SYTL4: variants seen among roughly 807,000 people sequenced by gnomAD.
SYTL4 encodes the protein synaptotagmin-like protein 4.
SYTL4 carries 16 observed loss-of-function variants against 52.7 expected under a neutral mutation model. The observed-to-expected ratio is 0.30, with a 90% CI of 0.21 to 0.46. The LOEUF (loss-of-function observed/expected upper bound fraction) is 0.46. SYTL4 is among the 20% of genes least tolerant of loss of function. The probability of loss-of-function intolerance (pLI) is 1.00; values close to 1 mark genes in which losing one functional copy is unlikely to be tolerated. For missense variants in SYTL4, 423 were observed against 519.9 expected (o/e 0.81, Z 1.81); for synonymous variants, 160 against 186.6 (o/e 0.86, Z 1.16).
intron 13 of SYTL4, 173 bp from the exon 14 acceptor site, chrX:100,687,418 A>C: frequency 2.3e-6 from 1 of 432,026 alleles, no homozygotes; most frequent in Non-Finnish European, 4.0e-6. Flanking sequence ...AACTACCAGC[A>C]CTCAAAATTG....
intron 2 of SYTL4, among the ~76,000 whole-genome samples, chrX:100,718,958 C>A (rs147689124): frequency 1.6e-3 from 180 of 109,808 alleles, no homozygotes; most frequent in African/African-American, 5.7e-3. Flanking sequence ...CCATCACACC[C>A]GGCTAATTTT....
chrX:100,675,927 C>A lies in SYTL4; in HGVS notation c.*101G>T. 1 of 823,701 alleles carries A rather than the reference C, an allele frequency of 1.2e-6. No homozygotes were observed. Among genetic ancestry groups the A allele is most frequent in the Non-Finnish European group, 1.7e-6 (1 of 587,970 alleles). 67.9% of individuals were successfully genotyped at this position (823,701 alleles called of 1,213,427 possible). A position where few individuals can be genotyped will look rare whatever the true frequency, so the allele number is the denominator to read the frequency against. On this transcript the variant is annotated 3_prime_UTR_variant, in exon 20 of 20. Transcript: ENST00000372989. ...ACACACACACACACACACATACACA[C>A]ATACACACATACACATTAAATTATA...
chrX:100,710,903 T>C (rs1050869221), intron 2 of SYTL4, among the ~76,000 whole-genome samples: 2 of 112,315 alleles, frequency 1.8e-5, no homozygotes, highest in African/African-American at 6.5e-5. Context: ...CTCAAGTGTT[T>C]AGCAAAGGAC....
chrX:100,706,927 T>C (rs2083967873), intron 2 of SYTL4, among the ~76,000 whole-genome samples: 1 of 111,408 alleles, frequency 9.0e-6, no homozygotes, highest in Non-Finnish European at 1.9e-5. Flanking sequence ...AGATAATAAA[T>C]ATGCACCCAC....
At position 100,726,014 on chromosome X, in the gene SYTL4, A is replaced by G. The variant is rs1329912749; in HGVS notation, c.-240+5404T>C. Among the ~76,000 whole-genome samples the G allele has an allele frequency of 4.5e-5, 5 of 110,303 alleles. No individual in the cohort carries two copies. In the Admixed American group the frequency reaches 4.9e-4, roughly 11 times the overall value. On this transcript the variant is annotated intron_variant, in intron 2 of 19. Transcript: ENST00000372989. ...TAGGTTTAGATAGTCACAGATATGA[A>G]TATGAAAGCCACAGTGGTCCATCAT...
chrX:100,725,070 G>A (rs1602945080), intron 2 of SYTL4, among the ~76,000 whole-genome samples: 1 of 111,275 alleles, frequency 9.0e-6, no homozygotes, highest in East Asian at 2.8e-4. Flanking sequence ...GTTACCTCTG[G>A]AGAGTGGGAT....
At chrX:100,698,394 T>A (rs766968444) in intron 8 of SYTL4, among the ~76,000 whole-genome samples, 2 of 112,199 alleles carry the variant, frequency 1.8e-5, no homozygotes, top group Admixed American at 9.4e-5. Context: ...TGAGCCACTG[T>A]GCCCAGCCCT....
chrX:100,694,851 T>C (rs760612848), intron 8 of SYTL4, among the ~76,000 whole-genome samples: 1 of 112,287 alleles, frequency 8.9e-6, no homozygotes, highest in East Asian at 2.8e-4. Context: ...TGTCACATGA[T>C]GTTTGACAGT....
At chrX:100,710,845 G>A (rs73557578) in intron 2 of SYTL4, among the ~76,000 whole-genome samples, 2,895 of 112,008 alleles carry the variant, frequency 0.026, 94 homozygotes, top group African/African-American at 0.089. Flanking sequence ...ACCTGAGAGA[G>A]CTCCACAGAA....
Position 100,700,968 on chromosome X carries a change from G to A in SYTL4, c.468C>T (p.Leu156=), listed in dbSNP as rs750658668. Residue 156 remains leucine (L), a synonymous_variant, in exon 8 of 20, where the codon CTC becomes CTT. Transcript: ENST00000372989. The part of the protein sequence containing the change: ...VSKRETVGQS[L]LHQTQMGDIW... ...TGTCACCCATCTGTGTCTGATGAAG[G>A]AGGGACTGTCCCACTGTCTCTCTTT... 1 of 1,210,058 alleles carries A rather than the reference G, an allele frequency of 8.3e-7. No individual in the cohort carries two copies. The highest frequency in any genetic ancestry group is 1.1e-6 in the Non-Finnish European group (1 of 894,140).
At chrX:100,693,553 G>A (rs2083644499) in intron 8 of SYTL4, among the ~76,000 whole-genome samples, 1 of 111,863 alleles carries the variant, frequency 8.9e-6, no homozygotes, top group Non-Finnish European at 1.9e-5. Flanking sequence ...GTAGCTCTTG[G>A]ATGGTTGCAG....
intron 2 of SYTL4, among the ~76,000 whole-genome samples, chrX:100,706,340 T>G (rs1026628930): frequency 2.7e-5 from 3 of 112,357 alleles, no homozygotes; most frequent in Non-Finnish European, 5.6e-5. Flanking sequence ...AAAAGGTTTT[T>G]GTAAGACCAT....
intron 8 of SYTL4, among the ~76,000 whole-genome samples, chrX:100,699,238 G>A (rs761656586): frequency 1.0e-4 from 11 of 107,092 alleles, no homozygotes; most frequent in East Asian, 9.0e-4. Context: ...TTAGTGACGC[G>A]TGCCTGTAAT....
At chrX:100,703,033 A>G (rs945708697) in intron 4 of SYTL4, 60 bp downstream of exon 4, 2 of 111,493 alleles carry the variant, frequency 1.8e-5, no homozygotes, top group African/African-American at 6.5e-5. Context: ...ACCAGATTAC[A>G]TAACTCTTAA....
At chrX:100,688,590 G>A in intron 12 of SYTL4, 147 bp from the exon 13 acceptor site, 1 of 439,953 alleles carries the variant, frequency 2.3e-6, no homozygotes, top group Non-Finnish European at 3.6e-6. Context: ...TTGAGACGGA[G>A]TCTCACTCTT....
At chrX:100,704,643 A>G (rs2083920868) in intron 3 of SYTL4, among the ~76,000 whole-genome samples, 168 bp downstream of exon 3, 1 of 112,106 alleles carries the variant, frequency 8.9e-6, no homozygotes, top group Admixed American at 9.4e-5. Context: ...CTATTAAGTT[A>G]GTGTTGCATA....
chrX:100,692,912 T>G (rs1196715499), intron 8 of SYTL4, among the ~76,000 whole-genome samples: 1 of 111,573 alleles, frequency 9.0e-6, no homozygotes, highest in African/African-American at 3.3e-5. Context: ...CTCAATAAAC[T>G]AATAACTCAA....
intron 8 of SYTL4, among the ~76,000 whole-genome samples, chrX:100,699,894 G>T (rs1004271082): frequency 9.0e-6 from 1 of 110,767 alleles, no homozygotes; most frequent in Non-Finnish European, 1.9e-5. Flanking sequence ...GTATTATTTG[G>T]CTATAAAAAG....
chrX:100,700,838 T>C, intron 8 of SYTL4, 59 bp downstream of exon 8: 1 of 881,651 alleles, frequency 1.1e-6, no homozygotes, highest in Non-Finnish European at 1.7e-6. Context: ...GTAAAAAGAA[T>C]AGTAAAAGAA....
Sources: allele counts gnomAD v4.1 joint callset (sites outside exome capture counted in the v4.1 genomes callset), GRCh38; gene constraint gnomAD v4.1.1; transcripts MANE v1.5; gene names NCBI Gene and HGNC (gene_info 2026-07-23, HGNC 2026-07-21).